The following XYLT1 variants were observed in gnomAD, a reference collection of about 807,000 sequenced individuals.
The protein encoded by XYLT1 is beta-D-xylosyltransferase 1.
XYLT1 carries 36 observed loss-of-function variants against 91.3 expected under a neutral mutation model. The ratio of observed to expected loss-of-function variants is 0.39; its 90% confidence interval spans 0.30 to 0.52. The LOEUF (loss-of-function observed/expected upper bound fraction) is 0.52, where lower values mean the gene tolerates loss of function less well. Ranked by LOEUF, XYLT1 falls within the 20% of genes least tolerant of loss-of-function variation. The pLI, the probability that XYLT1 is intolerant of heterozygous loss-of-function variation, is 0.68. For missense variants in XYLT1, 1,242 were observed against 1,284.5 expected (o/e 0.97, Z 0.51); for synonymous variants, 588 against 532.0 (o/e 1.11, Z -1.45).
chr16:17,247,206 T>C (rs1365534282), intron 3 of XYLT1, among the ~76,000 whole-genome samples: 1 of 148,644 alleles, frequency 6.7e-6, no homozygotes, highest in African/African-American at 2.4e-5. Flanking sequence ...ATGTCTGGGC[T>C]CCTTCCTTCT....
At chr16:17,118,718 C>G (rs1424275150) in intron 10 of XYLT1, among the ~76,000 whole-genome samples, 1 of 152,118 alleles carries the variant, frequency 6.6e-6, no homozygotes, top group Non-Finnish European at 1.5e-5. Flanking sequence ...GTCAGAAAGG[C>G]CTTGTAAAAT....
intron 2 of XYLT1, among the ~76,000 whole-genome samples, chr16:17,270,067 C>G (rs147572728): frequency 0.018 from 2,779 of 152,282 alleles, 99 homozygotes; most frequent in Admixed American, 0.1. Context: ...CCTGCCTTGG[C>G]CTCCCAAAGT....
chr16:17,238,708 G>C (rs79385228), intron 3 of XYLT1, among the ~76,000 whole-genome samples: 1 of 152,182 alleles, frequency 6.6e-6, no homozygotes, highest in Non-Finnish European at 1.5e-5. Context: ...TTAAACTTCA[G>C]CTATCCCTTC....
Position 17,470,866 on chromosome 16 carries a change from CAGCTCCCGCGGCCGCCGGCTGCCGCTCG to C in XYLT1, c.-98_-71del. On this transcript the variant is annotated 5_prime_UTR_variant, in exon 1 of 12. Transcript: ENST00000261381. ...CTCCGGGCCGCCCCCGCGCTCCCCGCAGCTCCCGCGGCCGCCGGCTGCCGCTCGGGCTCCCGCTCGGGCCGCCGCCGCC... is the reference window on the plus strand; with the variant it reads ...CTCCGGGCCGCCCCCGCGCTCCCCGCGGCTCCCGCTCGGGCCGCCGCCGCC... The C allele has an allele frequency of 1.2e-6, 1 of 835,640 alleles. No individual in the cohort carries two copies. Among genetic ancestry groups the C allele is most frequent in the South Asian group, 5.8e-5 (1 of 17,216 alleles). 51.8% of individuals were successfully genotyped at this position (835,640 alleles called of 1,614,324 possible). A position where few individuals can be genotyped will look rare whatever the true frequency, so the allele number is the denominator to read the frequency against.
intron 3 of XYLT1, among the ~76,000 whole-genome samples, chr16:17,219,546 T>G (rs1433074945): frequency 2.0e-5 from 3 of 152,194 alleles, no homozygotes; most frequent in Non-Finnish European, 2.9e-5. Context: ...GGCAGGTCAC[T>G]CTTCGACCTA....
intron 2 of XYLT1, among the ~76,000 whole-genome samples, chr16:17,319,034 C>T (rs774794703): frequency 5.3e-5 from 8 of 151,990 alleles, no homozygotes; most frequent in Non-Finnish European, 1.0e-4. Flanking sequence ...GTGATCTGCC[C>T]GCCTACGCCT....
intron 1 of XYLT1, among the ~76,000 whole-genome samples, chr16:17,464,634 T>G (rs921732884): frequency 1.3e-5 from 2 of 152,120 alleles, no homozygotes; most frequent in African/African-American, 4.8e-5. Flanking sequence ...AAATATCACA[T>G]GTACCCCAAA....
rs191601162 is a variant in XYLT1, at chr16:17,222,134, C to T, written c.914-21480G>A. On this transcript the variant is annotated intron_variant, in intron 3 of 11. Coordinates refer to ENST00000261381, the MANE Select transcript of XYLT1 (RefSeq NM_022166.4). ...CTCTGAGGGAGACTGAATCCTAGGA[C>T]CCGACCCAGATACCTGGGAGTTAGT... Among the ~76,000 whole-genome samples the T allele has an allele frequency of 1.2e-3, 181 of 152,282 alleles. 1 individual carries two copies. The highest frequency in any genetic ancestry group is 0.01 in the Middle Eastern group (3 of 294).
At chr16:17,214,127 C>G (rs1388861812) in intron 3 of XYLT1, among the ~76,000 whole-genome samples, 1 of 152,182 alleles carries the variant, frequency 6.6e-6, no homozygotes, top group Non-Finnish European at 1.5e-5. Context: ...CCTAGGGGAC[C>G]AGCATGGTTT....
intron 2 of XYLT1, among the ~76,000 whole-genome samples, chr16:17,332,130 A>G (rs150389745): frequency 1.3e-5 from 2 of 152,334 alleles, no homozygotes; most frequent in South Asian, 2.1e-4. Context: ...GTGGCCCTGC[A>G]TGGTGCACAG....
chr16:17,372,878 T>G (rs1182567014), intron 1 of XYLT1, among the ~76,000 whole-genome samples: 1 of 152,198 alleles, frequency 6.6e-6, no homozygotes, highest in African/African-American at 2.4e-5. Context: ...TGTAAAGCAC[T>G]TACAACAATG....
intron 1 of XYLT1, among the ~76,000 whole-genome samples, chr16:17,404,767 T>C (rs574800930): frequency 6.6e-6 from 1 of 152,108 alleles, no homozygotes; most frequent in Non-Finnish European, 1.5e-5. Context: ...AGACCCTGTC[T>C]CTAAAAAATA....
chr16:17,334,315 C>A (rs1223429813), intron 2 of XYLT1, among the ~76,000 whole-genome samples: 2 of 152,176 alleles, frequency 1.3e-5, no homozygotes, highest in Non-Finnish European at 2.9e-5. Context: ...GATTGACAAA[C>A]TGGTCTTGGG....
At chr16:17,279,538 C>T (rs998326450) in intron 2 of XYLT1, among the ~76,000 whole-genome samples, 1 of 152,156 alleles carries the variant, frequency 6.6e-6, no homozygotes, top group Non-Finnish European at 1.5e-5. Context: ...AAGTGAGCTG[C>T]CCTTCTTAGC....
At chr16:17,178,755 T>C (rs2032001107) in intron 5 of XYLT1, among the ~76,000 whole-genome samples, 1 of 152,132 alleles carries the variant, frequency 6.6e-6, no homozygotes, top group African/African-American at 2.4e-5. Context: ...ACCTAAAATA[T>C]TTACTATCTG....
intron 5 of XYLT1, among the ~76,000 whole-genome samples, chr16:17,168,623 T>C (rs943963911): frequency 5.9e-5 from 9 of 151,982 alleles, no homozygotes; most frequent in Non-Finnish European, 1.2e-4. Flanking sequence ...GTTTAAAAAG[T>C]AGTCCAAATT....
chr16:17,303,339 C>G (rs2034425633), intron 2 of XYLT1, among the ~76,000 whole-genome samples: 1 of 152,216 alleles, frequency 6.6e-6, no homozygotes, highest in Non-Finnish European at 1.5e-5. Context: ...TACAGCCACG[C>G]TGGCAGAACT....
chr16:17,333,373 C>G (rs893151266), intron 2 of XYLT1, among the ~76,000 whole-genome samples: 2 of 151,984 alleles, frequency 1.3e-5, no homozygotes, highest in Admixed American at 6.5e-5. Context: ...TTTGTTTGAG[C>G]TAAGTTTTTC....
At chr16:17,182,709 G>T (rs1040703675) in intron 5 of XYLT1, among the ~76,000 whole-genome samples, 2 of 128,496 alleles carry the variant, frequency 1.6e-5, no homozygotes, top group African/African-American at 5.7e-5. Flanking sequence ...GGTGGGGGGA[G>T]GGACAGAAGC....
Sources: gnomAD v4.1 joint callset for allele counts (sites outside exome capture counted in the v4.1 genomes callset) on GRCh38, gnomAD v4.1.1 for gene constraint, MANE v1.5 for transcripts, NCBI Gene and HGNC (gene_info 2026-07-23, HGNC 2026-07-21) for gene names.